ATP8A2: variants seen among roughly 807,000 people sequenced by gnomAD.
The protein encoded by ATP8A2 is phospholipid-transporting ATPase IB.
In ATP8A2, 100 loss-of-function variants were observed where a neutral mutation model predicts 165.6. The ratio of observed to expected loss-of-function variants is 0.60; its 90% CI spans 0.51 to 0.71. The LOEUF is 0.71. Among genes scored for constraint, ATP8A2 ranks in the 30% least tolerant of loss-of-function variants. The pLI, the probability that ATP8A2 is intolerant of heterozygous loss-of-function variation, is 0.00. For missense variants in ATP8A2, 1,227 were observed against 1,479.5 expected (o/e 0.83, Z 2.80); for synonymous variants, 543 against 548.8 (o/e 0.99, Z 0.15).
chr13:25,563,850 A>G (rs572662173), intron 15 of ATP8A2, 106 bp from the exon 16 acceptor site: 4 of 724,794 alleles, frequency 5.5e-6, no homozygotes, highest in East Asian at 2.6e-5. Flanking sequence ...GTGAATCCCT[A>G]TAGGACTTTA....
At chr13:25,843,310 G>A (rs981626039) in intron 30 of ATP8A2, among the ~76,000 whole-genome samples, 2 of 152,146 alleles carry the variant, frequency 1.3e-5, no homozygotes, top group South Asian at 4.1e-4. Context: ...CTGGTGAGAG[G>A]CTCGGGACAC....
At chr13:25,790,844 C>G (rs1054461564) in intron 27 of ATP8A2, among the ~76,000 whole-genome samples, 2 of 152,112 alleles carry the variant, frequency 1.3e-5, no homozygotes, top group Admixed American at 1.3e-4. Context: ...CCATCTGACA[C>G]CAGTCAGAAT....
At chr13:25,798,251 G>C (rs929253677) in intron 27 of ATP8A2, among the ~76,000 whole-genome samples, 1 of 152,138 alleles carries the variant, frequency 6.6e-6, no homozygotes, top group Non-Finnish European at 1.5e-5. Flanking sequence ...TTATTCTTCT[G>C]TGAAGACATA....
At chr13:25,769,619 T>A (rs955391126) in intron 26 of ATP8A2, among the ~76,000 whole-genome samples, 2 of 152,200 alleles carry the variant, frequency 1.3e-5, no homozygotes, top group African/African-American at 4.8e-5. Context: ...TTCTCTATAA[T>A]CCTGTTCCAG....
At chr13:25,803,869 T>C (rs1950673282) in intron 27 of ATP8A2, among the ~76,000 whole-genome samples, 1 of 152,246 alleles carries the variant, frequency 6.6e-6, no homozygotes, top group Non-Finnish European at 1.5e-5. Flanking sequence ...TGTGTATGTG[T>C]TTGCACACAG....
At chr13:25,651,799 T>C (rs2041819254) in intron 24 of ATP8A2, among the ~76,000 whole-genome samples, 1 of 152,164 alleles carries the variant, frequency 6.6e-6, no homozygotes, top group Non-Finnish European at 1.5e-5. Flanking sequence ...TGTCTTTATA[T>C]ATTTAAGGTA....
At chr13:25,686,905 C>T (rs1203666223) in intron 24 of ATP8A2, among the ~76,000 whole-genome samples, 3 of 152,148 alleles carry the variant, frequency 2.0e-5, no homozygotes, top group Non-Finnish European at 2.9e-5. Context: ...TGTGTAGTGT[C>T]TGTCCCCTCA....
intron 16 of ATP8A2, among the ~76,000 whole-genome samples, chr13:25,567,868 T>G (rs898986952): frequency 4.6e-5 from 7 of 151,688 alleles, no homozygotes; most frequent in Non-Finnish European, 1.5e-5. Flanking sequence ...CCATTGGAGG[T>G]TTTTAAGCAG....
At chr13:25,913,853 G>A (rs969976418) in intron 33 of ATP8A2, among the ~76,000 whole-genome samples, 2 of 152,074 alleles carry the variant, frequency 1.3e-5, no homozygotes, top group African/African-American at 4.8e-5. Context: ...TTAGCAGGAG[G>A]GCTTCTAGCT....
In ATP8A2 at chr13:25,512,662, G is replaced by A. The variant is rs867755541; in HGVS notation, c.222-17337G>A. On this transcript the variant is annotated intron_variant, in intron 2 of 36. Transcript: ENST00000381655. ...CTGACCCCCCACCTCCCTCCCGGAC[G>A]GGGTGGCTGGCCGGGCGGGGGGCTG... Among the ~76,000 whole-genome samples, 72 of 146,168 alleles carry A rather than the reference G, an allele frequency of 4.9e-4. 4 individuals are homozygous for A. Among genetic ancestry groups the A allele is most frequent in the African/African-American group, 1.7e-3 (66 of 39,150 alleles).
chr13:25,472,012 T>C (rs1184149475), intron 2 of ATP8A2, among the ~76,000 whole-genome samples: 3 of 152,236 alleles, frequency 2.0e-5, no homozygotes, highest in Admixed American at 6.5e-5. Context: ...TGATGTTCTT[T>C]AAAATGGCCT....
rs557380042 is a variant in ATP8A2, at chr13:25,460,976, A to G, written c.77-8001A>G. 1.4e-4 allele frequency among the ~76,000 whole-genome samples: 21 copies of G among 152,242 alleles called. No individual in the cohort carries two copies. In the South Asian group the frequency reaches 4.1e-3, roughly 30 times the overall value. Reference sequence around the variant, plus strand: ...GCTTATGCCCCTCTCCCTACCCACTACTTCACAAAATGCCTTCTATCCAGG... The same window carrying G: ...GCTTATGCCCCTCTCCCTACCCACTGCTTCACAAAATGCCTTCTATCCAGG... On this transcript the variant is annotated intron_variant, in intron 1 of 36. Coordinates refer to ENST00000381655, the MANE Select transcript of ATP8A2 (RefSeq NM_016529.6).
intron 25 of ATP8A2, among the ~76,000 whole-genome samples, chr13:25,757,469 C>A (rs73154575): frequency 6.6e-6 from 1 of 151,728 alleles, no homozygotes; most frequent in Non-Finnish European, 1.5e-5. Context: ...ACTTTAAATT[C>A]TATCCATGTG....
At chr13:26,003,343 C>T (rs1390750926) in intron 35 of ATP8A2, among the ~76,000 whole-genome samples, 1 of 105,532 alleles carries the variant, frequency 9.5e-6, no homozygotes, top group African/African-American at 3.6e-5. Flanking sequence ...TAAGAAATGT[C>T]TATTCAGGTC....
In ATP8A2 at chr13:25,532,332, T is replaced by C. The variant is rs1423628691; in HGVS notation, c.466+15T>C. 1 of 1,599,690 alleles carries C rather than the reference T, an allele frequency of 6.3e-7. No homozygotes were observed. Among genetic ancestry groups the C allele is most frequent in the Non-Finnish European group, 8.5e-7 (1 of 1,173,186 alleles). The stretch of plus-strand genomic sequence containing the variant: ...GAAAACAATAGGTAAGATCCCAGGC[T>C]GAAGGACTTTTTCCACTGGAAAACT... On this transcript the variant is annotated intron_variant, in intron 5 of 36. Coordinates refer to ENST00000381655, the MANE Select transcript of ATP8A2 (RefSeq NM_016529.6).
chr13:25,602,805 C>T lies in ATP8A2; in HGVS notation c.2211+13106C>T, dbSNP rs575229864. Among the ~76,000 whole-genome samples the T allele has an allele frequency of 6.5e-4, 99 of 152,302 alleles. 2 individuals are homozygous for T. The highest frequency in any genetic ancestry group is 2.2e-3 in the Admixed American group (34 of 15,304). Reference sequence around the variant, plus strand: ...AGGATATCTGGGCCAGGCACAGTGGCTTATGCCTGTAATCCCAGCACTTTG... The same window carrying T: ...AGGATATCTGGGCCAGGCACAGTGGTTTATGCCTGTAATCCCAGCACTTTG... On this transcript the variant is annotated intron_variant, in intron 24 of 36. Transcript: ENST00000381655.
chr13:25,576,956 C>G (rs1331409206), intron 19 of ATP8A2, 113 bp from the exon 20 acceptor site: 19 of 769,162 alleles, frequency 2.5e-5, no homozygotes, highest in Non-Finnish European at 3.8e-5. Flanking sequence ...GAAAGATAGA[C>G]CTTGTTCATT....
intron 1 of ATP8A2, among the ~76,000 whole-genome samples, chr13:25,388,996 C>A (rs1433854865): frequency 1.3e-5 from 2 of 152,188 alleles, no homozygotes; most frequent in Non-Finnish European, 2.9e-5. Flanking sequence ...AGCTCTGCAG[C>A]AGGGGGATTC....
chr13:25,631,526 C>T (rs1309921617), intron 24 of ATP8A2, among the ~76,000 whole-genome samples: 1 of 152,040 alleles, frequency 6.6e-6, no homozygotes. Context: ...TTGTCAAGTG[C>T]TGGATAATGA....
Sources: allele counts gnomAD v4.1 joint callset (sites outside exome capture counted in the v4.1 genomes callset), GRCh38; gene constraint gnomAD v4.1.1; transcripts MANE v1.5; gene names NCBI Gene and HGNC (gene_info 2026-07-23, HGNC 2026-07-21).